The following ARID3B variants were observed in gnomAD, a reference collection of about 807,000 sequenced individuals.
ARID3B encodes AT-rich interactive domain-containing protein 3B.
In ARID3B, 10 loss-of-function variants were observed where a neutral mutation model predicts 51.9. That is an observed-to-expected ratio of 0.19 (90% CI 0.12 to 0.33). The LOEUF (loss-of-function observed/expected upper bound fraction) is 0.33. Ranked by LOEUF, ARID3B falls within the 10% of genes least tolerant of loss-of-function variation. The pLI is 1.00. For synonymous variants in ARID3B, 205 were observed against 279.5 expected (o/e 0.73, Z 2.66); for missense variants, 483 against 716.3 (o/e 0.67, Z 3.72).
intron 2 of ARID3B, among the ~76,000 whole-genome samples, chr15:74,567,207 C>T (rs1180023792): frequency 6.6e-6 from 1 of 152,154 alleles, no homozygotes. Context: ...CTTATATCCT[C>T]CCTGTCAAAA....
chr15:74,595,489 T>G (rs1271337799), intron 8 of ARID3B, 122 bp from the exon 9 acceptor site: 2 of 1,134,028 alleles, frequency 1.8e-6, no homozygotes, highest in Admixed American at 5.4e-5. Flanking sequence ...CATCACCCCC[T>G]AGCACAGTGT....
chr15:74,585,757 A>G (rs1193840022), intron 4 of ARID3B, among the ~76,000 whole-genome samples: 3 of 152,226 alleles, frequency 2.0e-5, no homozygotes, highest in Non-Finnish European at 2.9e-5. Context: ...CTCTTTCTTC[A>G]TAGTAGAATC....
intron 2 of ARID3B, among the ~76,000 whole-genome samples, chr15:74,565,999 G>T (rs1323661045): frequency 6.6e-6 from 1 of 152,122 alleles, no homozygotes; most frequent in Non-Finnish European, 1.5e-5. Flanking sequence ...GTTTGCATCA[G>T]AACATACCTT....
intron 1 of ARID3B, among the ~76,000 whole-genome samples, 166 bp downstream of exon 1, chr15:74,541,496 G>A (rs1358138151): frequency 2.6e-5 from 4 of 152,290 alleles, no homozygotes; most frequent in African/African-American, 9.6e-5. Context: ...GGAGCCCCGA[G>A]CGCCCTGTGC....
intron 1 of ARID3B, 90 bp from the exon 2 acceptor site, chr15:74,543,770 C>T (rs1030912156): frequency 1.9e-4 from 149 of 791,836 alleles, no homozygotes; most frequent in Middle Eastern, 7.5e-4. Flanking sequence ...AACTCATGGC[C>T]CTCTACTGGA....
chr15:74,592,029 G>A (rs1311091475), intron 7 of ARID3B, among the ~76,000 whole-genome samples: 1 of 152,236 alleles, frequency 6.6e-6, no homozygotes, highest in African/African-American at 2.4e-5. Context: ...GTTGCCTCAG[G>A]CAGTGCCCTG....
chr15:74,594,959 G>A (rs1285062397), intron 8 of ARID3B, among the ~76,000 whole-genome samples: 1 of 152,194 alleles, frequency 6.6e-6, no homozygotes, highest in East Asian at 1.9e-4. Flanking sequence ...ATATCCTTTT[G>A]TCCTCTGTCA....
intron 4 of ARID3B, among the ~76,000 whole-genome samples, chr15:74,589,050 A>G (rs1387472544): frequency 1.3e-5 from 1 of 74,800 alleles, no homozygotes. Context: ...TTTTTTTTTT[A>G]AGACAGTCTC....
chr15:74,584,681 C>T (rs952724003), intron 4 of ARID3B, among the ~76,000 whole-genome samples: 8 of 152,236 alleles, frequency 5.3e-5, no homozygotes, highest in Non-Finnish European at 1.0e-4. Flanking sequence ...ATCTCTTCTG[C>T]CCTCACCCCT....
intron 2 of ARID3B, among the ~76,000 whole-genome samples, chr15:74,569,665 C>T (rs1596257391): frequency 6.6e-6 from 1 of 152,188 alleles, no homozygotes; most frequent in East Asian, 1.9e-4. Flanking sequence ...TCTATGTGCT[C>T]AGGGCTGGAG....
intron 2 of ARID3B, among the ~76,000 whole-genome samples, chr15:74,566,681 C>T (rs2061700065): frequency 6.6e-6 from 1 of 151,792 alleles, no homozygotes; most frequent in Non-Finnish European, 1.5e-5. Context: ...TTCAGTGCAG[C>T]CTGGTTCCAA....
At chr15:74,559,382 G>C in intron 2 of ARID3B, among the ~76,000 whole-genome samples, 1 of 152,226 alleles carries the variant, frequency 6.6e-6, no homozygotes, top group East Asian at 1.9e-4. Context: ...AGATGGTGGA[G>C]TTCCTTCACA....
intron 4 of ARID3B, among the ~76,000 whole-genome samples, chr15:74,586,577 T>A (rs1417887171): frequency 6.6e-6 from 1 of 152,206 alleles, no homozygotes; most frequent in African/African-American, 2.4e-5. Context: ...TGAACCACAC[T>A]AGAAAATCTC....
intron 4 of ARID3B, among the ~76,000 whole-genome samples, chr15:74,579,354 A>G (rs571433513): frequency 6.6e-6 from 1 of 152,300 alleles, no homozygotes; most frequent in African/African-American, 2.4e-5. Flanking sequence ...GACGAGGCGC[A>G]GTGCCCTGTG....
chr15:74,562,120 C>T (rs368194296), intron 2 of ARID3B, among the ~76,000 whole-genome samples: 38 of 148,528 alleles, frequency 2.6e-4, no homozygotes, highest in African/African-American at 7.5e-4. Context: ...TTTCCGACAA[C>T]GGTATTTTCT....
intron 2 of ARID3B, among the ~76,000 whole-genome samples, chr15:74,564,098 C>T (rs2061689358): frequency 6.6e-6 from 1 of 152,210 alleles, no homozygotes; most frequent in African/African-American, 2.4e-5. Flanking sequence ...GGAAGGTGTG[C>T]ATCTGATAAT....
chr15:74,587,541 C>T (rs1461338211), intron 4 of ARID3B, among the ~76,000 whole-genome samples: 3 of 152,128 alleles, frequency 2.0e-5, no homozygotes, highest in Non-Finnish European at 4.4e-5. Context: ...ACGGGTCACA[C>T]GTGTGAAGAT....
chr15:74,558,178 C>CTTTTTTTTTTTTTTTTTT (rs1208034661), intron 2 of ARID3B, among the ~76,000 whole-genome samples: 1 of 104,668 alleles, frequency 9.6e-6, no homozygotes, highest in Non-Finnish European at 1.9e-5. Flanking sequence ...TGGTTTGTGT[C>CTTTTTTTTTTTTTTTTTT]TTTTTTTTTT....
chr15:74,575,560 TGA>T (rs1281474771), intron 4 of ARID3B, among the ~76,000 whole-genome samples: 2 of 152,188 alleles, frequency 1.3e-5, no homozygotes, highest in Non-Finnish European at 2.9e-5. Flanking sequence ...GCCCCGTAAT[TGA>T]GAGTCAGCAG....
Sources: allele counts gnomAD v4.1 joint callset (sites outside exome capture counted in the v4.1 genomes callset), GRCh38; gene constraint gnomAD v4.1.1; transcripts MANE v1.5; gene names NCBI Gene and HGNC (gene_info 2026-07-23, HGNC 2026-07-21).